The following DYNLRB1 variants were observed in gnomAD, a reference collection of about 807,000 sequenced individuals.
DYNLRB1 encodes the protein ROBL/LC7-like 1.
DYNLRB1 carries 6 observed loss-of-function variants against 13.5 expected under a neutral mutation model. The ratio of observed to expected loss-of-function variants is 0.44; its 90% CI spans 0.24 to 0.88. The LOEUF is 0.88. Among genes scored for constraint, DYNLRB1 ranks in the 40% least tolerant of loss-of-function variants. The pLI, the probability that DYNLRB1 is intolerant of heterozygous loss-of-function variation, is 0.21. For missense variants in DYNLRB1, 93 were observed against 127.2 expected (o/e 0.73, Z 1.29); for synonymous variants, 43 against 45.0 (o/e 0.96, Z 0.18).
intron 2 of DYNLRB1, 149 bp from the exon 3 acceptor site, chr20:34,534,479 C>T: frequency 9.8e-7 from 1 of 1,017,344 alleles, no homozygotes; most frequent in Non-Finnish European, 1.4e-6. Flanking sequence ...TTCGGGTGCT[C>T]AGCACCATGC....
At chr20:34,522,630 G>A (rs541294130) in intron 1 of DYNLRB1, among the ~76,000 whole-genome samples, 1 of 151,588 alleles carries the variant, frequency 6.6e-6, no homozygotes, top group African/African-American at 2.4e-5. Flanking sequence ...ACGACACCAC[G>A]CATGGTTAAT....
intron 2 of DYNLRB1, among the ~76,000 whole-genome samples, chr20:34,532,437 C>T (rs1438427090): frequency 6.6e-6 from 1 of 152,096 alleles, no homozygotes; most frequent in Non-Finnish European, 1.5e-5. Context: ...CAGCCTAGGA[C>T]ACGACTAAAG....
chr20:34,527,968 C>G (rs1316161020), intron 2 of DYNLRB1, among the ~76,000 whole-genome samples: 1 of 152,204 alleles, frequency 6.6e-6, no homozygotes, highest in Non-Finnish European at 1.5e-5. Context: ...GTTCATGTTT[C>G]TACATTGGTT....
At chr20:34,530,300 A>G in intron 2 of DYNLRB1, 2 of 1,004,846 alleles carry the variant, frequency 2.0e-6, no homozygotes, top group Non-Finnish European at 2.4e-6. Context: ...TGGAATGCAG[A>G]ATGAGCCCAC....
At chr20:34,524,793 G>A (rs577316645) in intron 1 of DYNLRB1, among the ~76,000 whole-genome samples, 3 of 150,642 alleles carry the variant, frequency 2.0e-5, no homozygotes, top group African/African-American at 7.3e-5. Flanking sequence ...GTGCGATCTC[G>A]GCTTACTGCA....
At chr20:34,540,524 G>T in intron 3 of DYNLRB1, 57 bp from the exon 4 acceptor site, 4 of 1,516,642 alleles carry the variant, frequency 2.6e-6, no homozygotes, top group Non-Finnish European at 3.6e-6. Context: ...TTGCTTTCTT[G>T]TGTGTTTTTC....
intron 1 of DYNLRB1, among the ~76,000 whole-genome samples, chr20:34,521,872 C>T (rs1449133227): frequency 6.6e-6 from 1 of 152,040 alleles, no homozygotes; most frequent in Non-Finnish European, 1.5e-5. Context: ...ATGTCGAAAC[C>T]CCATCTCTAC....
chr20:34,537,803 C>T (rs1193549573), intron 3 of DYNLRB1, among the ~76,000 whole-genome samples: 2 of 152,122 alleles, frequency 1.3e-5, no homozygotes, highest in Non-Finnish European at 2.9e-5. Context: ...ACATCGTGGG[C>T]AGCCTGGAGC....
intron 2 of DYNLRB1, among the ~76,000 whole-genome samples, chr20:34,532,048 G>T (rs941473914): frequency 6.6e-6 from 1 of 152,186 alleles, no homozygotes; most frequent in East Asian, 1.9e-4. Flanking sequence ...TCCCGGCCAG[G>T]TAGCAAGAAC....
chr20:34,530,300 A>T, intron 2 of DYNLRB1: 11 of 1,004,846 alleles, frequency 1.1e-5, no homozygotes, highest in Non-Finnish European at 1.3e-5. Context: ...TGGAATGCAG[A>T]ATGAGCCCAC....
Position 34,536,156 on chromosome 20 carries a change from C to T in DYNLRB1, c.247+1361C>T, listed in dbSNP as rs184089699. On this transcript the variant is annotated intron_variant, in intron 3 of 3. Transcript: ENST00000357156. ...TCCAGAGTCTATTATTCCAAAATCA[C>T]GCTTCTGTGTGTAATGCCTGATCCA... The T allele has an allele frequency of 1.6e-3, 1,530 of 985,438 alleles. 3 individuals are homozygous for T. The highest frequency in any genetic ancestry group is 3.5e-3 in the South Asian group (75 of 21,288). 61.0% of individuals were successfully genotyped at this position (985,438 alleles called of 1,614,324 possible).
At position 34,540,814 on chromosome 20, in the gene DYNLRB1, G is replaced by A. The variant is rs1033650769; in HGVS notation, c.*190G>A. 5.9e-5 allele frequency: 32 copies of A among 542,346 alleles called. No homozygotes were observed. Among genetic ancestry groups the A allele is most frequent in the African/African-American group, 5.3e-4 (27 of 50,802 alleles). The allele number at this position is 542,346 out of a possible 1,614,324, so 33.6% of individuals were successfully genotyped here. On this transcript the variant is annotated 3_prime_UTR_variant, in exon 4 of 4. Coordinates refer to ENST00000357156, the MANE Select transcript of DYNLRB1 (RefSeq NM_014183.4). ...CCTGTGTGCACCAACCTTCCCCAGA[G>A]CTCCGGAGCGCCCTCTCCTCACTTC...
intron 2 of DYNLRB1, among the ~76,000 whole-genome samples, chr20:34,534,386 C>T (rs1980955251): frequency 6.6e-6 from 1 of 152,222 alleles, no homozygotes; most frequent in Admixed American, 6.5e-5. Flanking sequence ...GTCGCCTCAT[C>T]ACTCAGAGCT....
chr20:34,521,400 T>C (rs957015708), intron 1 of DYNLRB1, among the ~76,000 whole-genome samples: 1 of 152,200 alleles, frequency 6.6e-6, no homozygotes, highest in African/African-American at 2.4e-5. Flanking sequence ...TATTCTTTTG[T>C]GCACTACCTA....
rs746421342 is a variant in DYNLRB1 at position 34,526,356 on chromosome 20, T to G, written c.79+13T>G. 1.9e-6 allele frequency: 3 copies of G among 1,607,060 alleles called. No individual in the cohort carries two copies. Among genetic ancestry groups the G allele is most frequent in the Non-Finnish European group, 2.5e-6 (3 of 1,177,340 alleles). ...GTGAACACAGAAGGTACGCCCTCCC[T>G]CCCGCCATGACCCGCACCCAGGCAG... On this transcript the variant is annotated intron_variant, in intron 2 of 3. Coordinates refer to ENST00000357156, the MANE Select transcript of DYNLRB1 (RefSeq NM_014183.4).
At chr20:34,518,779 G>A (rs1265763041) in intron 1 of DYNLRB1, among the ~76,000 whole-genome samples, 1 of 152,000 alleles carries the variant, frequency 6.6e-6, no homozygotes, top group Non-Finnish European at 1.5e-5. Context: ...ATCTATACAA[G>A]CACTTATATG....
At chr20:34,529,272 G>A (rs149755546) in intron 2 of DYNLRB1, among the ~76,000 whole-genome samples, 1 of 152,358 alleles carries the variant, frequency 6.6e-6, no homozygotes, top group Non-Finnish European at 1.5e-5. Flanking sequence ...CTAGCCCAGT[G>A]TATTCAGTGG....
At position 34,516,428 on chromosome 20, in the gene DYNLRB1, T is replaced by G; in HGVS notation, c.-31T>G. Reference sequence around the variant, plus strand: ...GAAAGGCACAGGACTCGCTAAGTGTTCGCTACGCGGGGCTACCGGATCGGT... The same window carrying G: ...GAAAGGCACAGGACTCGCTAAGTGTGCGCTACGCGGGGCTACCGGATCGGT... On this transcript the variant is annotated 5_prime_UTR_variant, in exon 1 of 4. Coordinates refer to ENST00000357156, the MANE Select transcript of DYNLRB1 (RefSeq NM_014183.4). 1.2e-6 allele frequency: 2 copies of G among 1,612,652 alleles called. No individual in the cohort carries two copies. Among genetic ancestry groups the G allele is most frequent in the Non-Finnish European group, 8.5e-7 (1 of 1,179,186 alleles).
At chr20:34,522,535 C>T (rs1388433112) in intron 1 of DYNLRB1, among the ~76,000 whole-genome samples, 1 of 129,112 alleles carries the variant, frequency 7.7e-6, no homozygotes, top group African/African-American at 3.0e-5. Context: ...TGCAATGGCG[C>T]GATCATGGCT....
Sources: allele counts gnomAD v4.1 joint callset (sites outside exome capture counted in the v4.1 genomes callset), GRCh38; gene constraint gnomAD v4.1.1; transcripts MANE v1.5; gene names NCBI Gene and HGNC (gene_info 2026-07-23, HGNC 2026-07-21).